The following MCF2L variants were observed in gnomAD, a reference collection of about 807,000 sequenced individuals.
MCF2L encodes MCF.2 cell line derived transforming sequence like.
Under a neutral mutation model 153.4 loss-of-function variants are expected in MCF2L, and 97 were observed. The observed-to-expected ratio is 0.63, with a 90% CI of 0.54 to 0.75. The LOEUF (loss-of-function observed/expected upper bound fraction) is 0.75, where lower values mean the gene tolerates loss of function less well. Ranked by LOEUF, MCF2L falls within the 30% of genes least tolerant of loss-of-function variation. The pLI is 0.00. For missense variants in MCF2L, 1,347 were observed against 1,495.2 expected (o/e 0.90, Z 1.64); for synonymous variants, 659 against 632.2 (o/e 1.04, Z -0.64).
chr13:113,063,517 G>A lies in MCF2L; in HGVS notation c.490-787G>A, dbSNP rs571896237. On this transcript the variant is annotated intron_variant, in intron 5 of 29. Coordinates refer to ENST00000535094, the MANE Select transcript of MCF2L (RefSeq NM_001112732.3). ...ACACAGCTGCCCACAGCGTTCAGGC[G>A]CCCCTGTCCACACAGCCACCCACGG... 3.6e-3 allele frequency among the ~76,000 whole-genome samples: 529 copies of A among 148,956 alleles called. 2 individuals are homozygous for A. The highest frequency in any genetic ancestry group is 4.6e-3 in the Non-Finnish European group (309 of 67,488).
At chr13:113,044,774 C>G (rs559191009) in intron 3 of MCF2L, 7 of 1,612,954 alleles carry the variant, frequency 4.3e-6, no homozygotes, top group Non-Finnish European at 5.9e-6. Context: ...CCAGCAGATG[C>G]TTGGGAACCT....
chr13:112,968,153 G>GT (rs56024277), upstream of MCF2L, among the ~76,000 whole-genome samples: 1 of 132,658 alleles, frequency 7.5e-6, no homozygotes, highest in East Asian at 2.2e-4. Flanking sequence ...GGGGGGGGGG[G>GT]TCTTGCTACA....
chr13:113,033,218 TGA>T (rs1566772516), intron 3 of MCF2L, among the ~76,000 whole-genome samples: 1 of 146,862 alleles, frequency 6.8e-6, no homozygotes, highest in African/African-American at 2.6e-5. Flanking sequence ...CCCCGTGACA[TGA>T]GTGGCCCCCG....
In MCF2L at chr13:113,070,174, G is replaced by A. The variant is rs777286317; in HGVS notation, c.996+1G>A. The A allele has an allele frequency of 6.3e-7, 1 of 1,588,768 alleles. No individual in the cohort carries two copies. Among genetic ancestry groups the A allele is most frequent in the South Asian group, 1.1e-5 (1 of 88,210 alleles). On this transcript the variant is annotated splice_donor_variant, in intron 9 of 29. Coordinates refer to ENST00000535094, the MANE Select transcript of MCF2L (RefSeq NM_001112732.3). LOFTEE classifies it high-confidence loss of function. This position sits in a 1 kb window ranked among gnomAD's most constrained non-coding sequence, Gnocchi z 5.6. ...GCACTTTGAGCAGGGCTTCCGGGAG[G>A]TGAGTGGCCCTGGGTGGAGCCGGCA... is the stretch of plus-strand genomic sequence containing the variant.
intron 26 of MCF2L, chr13:113,091,055 C>T (rs745725242): frequency 2.6e-5 from 34 of 1,296,236 alleles, no homozygotes; most frequent in Non-Finnish European, 3.1e-5. Flanking sequence ...TCAGCCTCCT[C>T]GCCGCCTCCC....
intron 1 of MCF2L, chr13:112,979,660 G>A: frequency 6.2e-7 from 1 of 1,612,898 alleles, no homozygotes; most frequent in Non-Finnish European, 8.5e-7. Flanking sequence ...TTGTGACAGG[G>A]CGGTTCGATG....
intron 1 of MCF2L, among the ~76,000 whole-genome samples, chr13:112,986,632 G>T (rs374478416): frequency 2.6e-5 from 4 of 152,212 alleles, no homozygotes; most frequent in Non-Finnish European, 2.9e-5. Flanking sequence ...CAAGAGCCAC[G>T]CAAACCTCTC....
At position 112,960,489 on chromosome 13, in the gene MCF2L, A is replaced by T. The variant is rs1594386408; in HGVS notation, c.170-54274A>T. ...TGCTCATTTTGGTTGTTGCATTGAA[A>T]TGTGGGTGTGATGGATGCTGGAGTT... On this transcript the variant is annotated intron_variant, in intron 2 of 29. Transcript: ENST00000375608. This position sits in a 1 kb window ranked among gnomAD's most constrained non-coding sequence, Gnocchi z 4.2. Among the ~76,000 whole-genome samples the T allele has an allele frequency of 6.6e-6, 1 of 152,094 alleles. No homozygotes were observed. Among genetic ancestry groups the T allele is most frequent in the Middle Eastern group, 3.4e-3 (1 of 294 alleles).
chr13:113,078,673 T>G lies in MCF2L; in HGVS notation c.1742T>G (p.Met581Arg). The G allele has an allele frequency of 6.2e-7, 1 of 1,612,106 alleles. No individual in the cohort carries two copies. The highest frequency in any genetic ancestry group is 8.5e-7 in the Non-Finnish European group (1 of 1,179,698). ...RGPYRRAKSE[M>R]SESRQGRGSA... ...CGCTGTTTTTCTCCCCAGAGTGAGA[T>G]GAGTGAGAGCCGGCAGGGCCGCGGC... Residue 581 changes from methionine (M) to arginine (R), a missense_variant, in exon 15 of 30, where the codon ATG becomes AGG. Met to Arg is a moderately conservative substitution (Grantham distance 91). Transcript: ENST00000535094.
In MCF2L at chr13:113,077,610, T is replaced by C. The variant is rs1373475773; in HGVS notation, c.1660+399T>C. Among the ~76,000 whole-genome samples, 3 of 152,140 alleles carry C rather than the reference T, an allele frequency of 2.0e-5. No individual in the cohort carries two copies. The East Asian group carries it at 5.8e-4, about 30-fold the overall frequency. On this transcript the variant is annotated intron_variant, in intron 13 of 29. Transcript: ENST00000535094. The stretch of plus-strand genomic sequence containing the variant: ...CACGGTCTGTCCTTTCCCGGTGCTA[T>C]TGCCAAACAACATTCCTCACACACG...
rs1344261760 is a variant in MCF2L at position 113,082,419 on chromosome 13, C to G, written c.1876-8C>G. The G allele has an allele frequency of 5.6e-6, 9 of 1,598,272 alleles. No homozygotes were observed. Among genetic ancestry groups the G allele is most frequent in the Non-Finnish European group, 6.9e-6 (8 of 1,165,850 alleles). On this transcript the variant is annotated splice_region_variant and splice_polypyrimidine_tract_variant and intron_variant, in intron 16 of 29. Coordinates refer to ENST00000535094, the MANE Select transcript of MCF2L (RefSeq NM_001112732.3). ...GGACCCCCGCCGACCTCTGCGCTCTCCCTGCAGGGCTACGCCGCGGAGATG... is the reference window on the plus strand; with the variant it reads ...GGACCCCCGCCGACCTCTGCGCTCTGCCTGCAGGGCTACGCCGCGGAGATG...
intron 1 of MCF2L, among the ~76,000 whole-genome samples, chr13:113,003,378 A>G (rs1304983883): frequency 6.5e-3 from 363 of 55,514 alleles, no homozygotes; most frequent in Middle Eastern, 0.015. Flanking sequence ...GGGGCAGGTG[A>G]CCCCCTGGGT....
chr13:113,000,506 AGAGT>A (rs1223428012), intron 1 of MCF2L, among the ~76,000 whole-genome samples: 9 of 152,184 alleles, frequency 5.9e-5, no homozygotes, highest in Non-Finnish European at 5.9e-5. Context: ...CCCAGGAGGA[AGAGT>A]GAGCTTCCAG....
chr13:113,089,808 C>T, intron 26 of MCF2L, 80 bp downstream of exon 26: 2 of 1,601,316 alleles, frequency 1.2e-6, no homozygotes, highest in Non-Finnish European at 1.7e-6. Context: ...ATCCGAGAAA[C>T]CTGCGCTTCC....
At chr13:112,935,837 C>G (rs1329606827) in intron 2 of MCF2L, among the ~76,000 whole-genome samples, 1 of 152,100 alleles carries the variant, frequency 6.6e-6, no homozygotes, top group African/African-American at 2.4e-5. Context: ...AAGAGGAAAT[C>G]TGGACACAGA....
Position 112,951,952 on chromosome 13 carries a change from C to A in MCF2L, c.169+49581C>A, listed in dbSNP as rs2081698757. Among the ~76,000 whole-genome samples the A allele has an allele frequency of 6.6e-6, 1 of 152,204 alleles. No individual in the cohort carries two copies. Among genetic ancestry groups the A allele is most frequent in the Non-Finnish European group, 1.5e-5 (1 of 68,046 alleles). On this transcript the variant is annotated intron_variant, in intron 2 of 29. Transcript: ENST00000375608. The surrounding 1 kb of genome is among the most constrained non-coding windows in gnomAD (Gnocchi z 4.8). ...ACGCACCGCATTACAAGGGCTTTAC[C>A]AATATGTAGAATCACGTGAAGTGGG...
chr13:113,072,443 G>A (rs536081503), intron 9 of MCF2L, among the ~76,000 whole-genome samples: 1 of 152,332 alleles, frequency 6.6e-6, no homozygotes, highest in East Asian at 1.9e-4. Context: ...GGAGGAAAGT[G>A]TTTAGTTTTT....
intron 1 of MCF2L, among the ~76,000 whole-genome samples, chr13:113,010,768 A>AGTGAGG (rs1429572335): frequency 6.6e-6 from 1 of 152,022 alleles, no homozygotes; most frequent in East Asian, 1.9e-4. Context: ...AGCAGGGCTC[A>AGTGAGG]GTGAGGGAGC....
chr13:112,910,351 A>G (rs1394761899), intron 2 of MCF2L: 2 of 152,244 alleles, frequency 1.3e-5, no homozygotes, highest in Non-Finnish European at 2.9e-5. Flanking sequence ...TGATAAAAAT[A>G]TTGTCACAAA....
Sources: gnomAD v4.1 joint callset for allele counts (sites outside exome capture counted in the v4.1 genomes callset) on GRCh38, gnomAD v4.1.1 for gene constraint, Gnocchi (gnomAD v3.1) non-coding constraint, MANE v1.5 for transcripts, NCBI Gene and HGNC (gene_info 2026-07-23, HGNC 2026-07-21) for gene names.